The following RABGAP1L variants were observed in gnomAD, a reference collection of about 807,000 sequenced individuals.
RABGAP1L encodes RAB GTPase activating protein 1 like, also known as rab GTPase-activating protein 1-like.
RABGAP1L carries 63 observed loss-of-function variants against 137.7 expected under a neutral mutation model. The observed-to-expected ratio is 0.46, with a 90% confidence interval of 0.37 to 0.56. The LOEUF is 0.56. Ranked by LOEUF, RABGAP1L falls within the 20% of genes least tolerant of loss-of-function variation. The pLI is 0.00. For missense variants in RABGAP1L, 1,095 were observed against 1,244.0 expected, an observed-to-expected ratio of 0.88 and a Z score of 1.80; for synonymous variants, 431 against 433.7, an observed-to-expected ratio of 0.99 and a Z score of 0.08.
chr1:174,806,389 C>T (rs930291121), intron 18 of RABGAP1L, among the ~76,000 whole-genome samples: 50 of 152,242 alleles, frequency 3.3e-4, no homozygotes, highest in African/African-American at 1.1e-3. Context: ...GGCTTGAGGC[C>T]AGGAGTTAAA....
At position 174,196,164 on chromosome 1, in the gene RABGAP1L, G is replaced by A. The variant is rs144847572; in HGVS notation, c.-33-22961G>A. 1.2e-3 allele frequency among the ~76,000 whole-genome samples: 185 copies of A among 150,196 alleles called. 1 individual carries two copies. Among genetic ancestry groups the A allele is most frequent in the African/African-American group, 4.4e-3 (181 of 41,032 alleles). Reference sequence around the variant, plus strand: ...CTTGTGGAATTATTTTATTTAGATTGCCTCTTTTGGATATGATCTCCATAT... The same window carrying A: ...CTTGTGGAATTATTTTATTTAGATTACCTCTTTTGGATATGATCTCCATAT... On this transcript the variant is annotated intron_variant, in intron 1 of 25. Coordinates refer to ENST00000681986, the MANE Select transcript of RABGAP1L (RefSeq NM_001366446.1).
intron 17 of RABGAP1L, among the ~76,000 whole-genome samples, chr1:174,713,766 A>T (rs1225563892): frequency 6.6e-6 from 1 of 152,228 alleles, no homozygotes. Flanking sequence ...CAAAGCATGA[A>T]CCAGACTAAC....
chr1:174,716,346 A>AT (rs1681008587), intron 17 of RABGAP1L, among the ~76,000 whole-genome samples: 1 of 152,174 alleles, frequency 6.6e-6, no homozygotes, highest in African/African-American at 2.4e-5. Flanking sequence ...CATTATCATC[A>AT]TAGTGGCGCA....
intron 13 of RABGAP1L, among the ~76,000 whole-genome samples, chr1:174,589,803 G>C (rs1669415626): frequency 6.6e-6 from 1 of 152,174 alleles, no homozygotes; most frequent in Admixed American, 6.5e-5. Context: ...TCTTTATTCT[G>C]TTCCATTGGT....
intron 21 of RABGAP1L, among the ~76,000 whole-genome samples, chr1:174,971,889 C>T (rs1670161953): frequency 1.3e-5 from 2 of 152,178 alleles, no homozygotes; most frequent in Non-Finnish European, 2.9e-5. Flanking sequence ...GTATTTAAGA[C>T]AATATGTAAG....
At chr1:174,189,371 T>G (rs1419986483) in intron 1 of RABGAP1L, among the ~76,000 whole-genome samples, 2 of 152,250 alleles carry the variant, frequency 1.3e-5, no homozygotes, top group Non-Finnish European at 2.9e-5. Flanking sequence ...TGAAGCCACA[T>G]TTATCAATTA....
chr1:174,774,921 G>C (rs902885509), intron 18 of RABGAP1L, among the ~76,000 whole-genome samples: 1 of 152,132 alleles, frequency 6.6e-6, no homozygotes, highest in Non-Finnish European at 1.5e-5. Context: ...GCTTGAAAAA[G>C]ATGGTGTATT....
chr1:174,654,988 T>A (rs568265168), intron 14 of RABGAP1L, among the ~76,000 whole-genome samples: 1 of 152,324 alleles, frequency 6.6e-6, no homozygotes, highest in South Asian at 2.1e-4. Context: ...ATGATACTGT[T>A]AAATTTATAT....
At chr1:174,658,433 T>A (rs1676127990) in intron 14 of RABGAP1L, among the ~76,000 whole-genome samples, 1 of 152,180 alleles carries the variant, frequency 6.6e-6, no homozygotes, top group Non-Finnish European at 1.5e-5. Flanking sequence ...CCTTCCTATA[T>A]TTGTAACTAA....
At chr1:174,439,931 A>T (rs1186929991) in intron 13 of RABGAP1L, among the ~76,000 whole-genome samples, 2 of 152,236 alleles carry the variant, frequency 1.3e-5, no homozygotes, top group Non-Finnish European at 2.9e-5. Context: ...GTAAATAATT[A>T]TAAACTATAA....
chr1:174,229,020 T>G (rs1410526605), intron 3 of RABGAP1L, among the ~76,000 whole-genome samples: 1 of 90,236 alleles, frequency 1.1e-5, no homozygotes, highest in Admixed American at 1.2e-4. Flanking sequence ...AATGAACAGT[T>G]TTTTTTTTTT....
chr1:174,788,378 C>T (rs1296128717), intron 18 of RABGAP1L, among the ~76,000 whole-genome samples: 1 of 152,184 alleles, frequency 6.6e-6, no homozygotes, highest in Non-Finnish European at 1.5e-5. Context: ...CAAAGGAGGT[C>T]ATAGCAAACC....
intron 12 of RABGAP1L, among the ~76,000 whole-genome samples, chr1:174,376,072 AAGTAG>A (rs959456318): frequency 1.3e-5 from 2 of 151,822 alleles, no homozygotes; most frequent in South Asian, 2.1e-4. Context: ...TCAGAAAATA[AAGTAG>A]AGTAAAGTAA....
intron 13 of RABGAP1L, among the ~76,000 whole-genome samples, chr1:174,546,431 A>C (rs1666014794): frequency 6.6e-6 from 1 of 152,262 alleles, no homozygotes; most frequent in Non-Finnish European, 1.5e-5. Context: ...ACTGCTCTAG[A>C]GAATGGCTGT....
chr1:174,245,973 A>C (rs1381506248), intron 5 of RABGAP1L: 1 of 152,142 alleles, frequency 6.6e-6, no homozygotes, highest in Non-Finnish European at 1.5e-5. Context: ...TGTTTCCAAA[A>C]GAGTGAGTTA....
At chr1:174,559,910 C>T (rs1003251823) in intron 13 of RABGAP1L, among the ~76,000 whole-genome samples, 29 of 152,106 alleles carry the variant, frequency 1.9e-4, no homozygotes, top group African/African-American at 6.5e-4. Context: ...CCTAGGAGGG[C>T]AGATCATGAG....
chr1:174,435,633 C>T (rs1653173717), intron 13 of RABGAP1L, among the ~76,000 whole-genome samples: 1 of 151,814 alleles, frequency 6.6e-6, no homozygotes, highest in Non-Finnish European at 1.5e-5. Flanking sequence ...TTTGTATATT[C>T]TTTATGCAAG....
intron 4 of RABGAP1L, among the ~76,000 whole-genome samples, chr1:174,240,403 T>C (rs999197076): frequency 1.6e-4 from 24 of 152,188 alleles, no homozygotes; most frequent in African/African-American, 5.8e-4. Context: ...CCCACCGCCA[T>C]GCCTGGCTGA....
chr1:174,260,416 C>T (rs1673486861), intron 7 of RABGAP1L, among the ~76,000 whole-genome samples: 1 of 152,166 alleles, frequency 6.6e-6, no homozygotes, highest in African/African-American at 2.4e-5. Flanking sequence ...AAATTTCAAA[C>T]CCTCAGTGCC....
Sources: gnomAD v4.1 joint callset for allele counts (sites outside exome capture counted in the v4.1 genomes callset) on GRCh38, gnomAD v4.1.1 for gene constraint, MANE v1.5 for transcripts, NCBI Gene and HGNC (gene_info 2026-07-23, HGNC 2026-07-21) for gene names.